The following NECTIN3 variants were observed in gnomAD, a reference collection of about 807,000 sequenced individuals.
NECTIN3 encodes the protein nectin-3.
Under a neutral mutation model 49.4 loss-of-function variants are expected in NECTIN3, and 8 were observed. The observed-to-expected ratio is 0.16, with a 90% CI of 0.10 to 0.29. The LOEUF (loss-of-function observed/expected upper bound fraction) is 0.29, where lower values mean the gene tolerates loss of function less well. Among genes scored for constraint, NECTIN3 ranks in the 10% least tolerant of loss-of-function variants. The pLI, the probability that NECTIN3 is intolerant of heterozygous loss-of-function variation, is 1.00. For synonymous variants in NECTIN3, 277 were observed against 241.1 expected (o/e 1.15, Z -1.38); for missense variants, 581 against 654.6 (o/e 0.89, Z 1.23).
chr3:111,182,890 C>T (rs1018230436), intron 7 of NECTIN3, among the ~76,000 whole-genome samples: 1 of 151,892 alleles, frequency 6.6e-6, no homozygotes, highest in African/African-American at 2.4e-5. Flanking sequence ...TATTTGTCTT[C>T]TGTTTGTCCC....
At chr3:111,108,004 A>G (rs1411095655) in intron 1 of NECTIN3, among the ~76,000 whole-genome samples, 1 of 152,166 alleles carries the variant, frequency 6.6e-6, no homozygotes, top group East Asian at 1.9e-4. Flanking sequence ...GAGTAGTACA[A>G]CGCTTTGGTG....
Position 111,135,747 on chromosome 3 carries a change from A to T in NECTIN3, c.*1532A>T. On this transcript the variant is annotated 3_prime_UTR_variant, in exon 6 of 6. Coordinates refer to ENST00000485303, the MANE Select transcript of NECTIN3 (RefSeq NM_015480.3). ...ATCAAATCTAAAACATTTAGGGGGC[A>T]AAATTCTAACATGTTCATGGTATCT... is the stretch of plus-strand genomic sequence containing the variant. The T allele has an allele frequency of 1.0e-6, 1 of 962,790 alleles. No homozygotes were observed. 59.6% of individuals were successfully genotyped at this position (962,790 alleles called of 1,614,324 possible).
In NECTIN3 at chr3:111,089,440, A is replaced by T. The variant is rs544687812; in HGVS notation, c.160+17263A>T. 2.6e-4 allele frequency among the ~76,000 whole-genome samples: 39 copies of T among 149,400 alleles called. No homozygotes were observed. In the East Asian group the frequency reaches 4.6e-3, roughly 18 times the overall value. ...GTGTGTGTGTGTGTGTATGTATATA[A>T]ACATATACATACACACACATATATG... On this transcript the variant is annotated intron_variant, in intron 1 of 5. Coordinates refer to ENST00000485303, the MANE Select transcript of NECTIN3 (RefSeq NM_015480.3).
At chr3:111,107,451 A>G (rs530104974) in intron 1 of NECTIN3, among the ~76,000 whole-genome samples, 8 of 152,278 alleles carry the variant, frequency 5.3e-5, no homozygotes, top group African/African-American at 1.9e-4. Flanking sequence ...ATCCTGTTTT[A>G]TTATGGTTTT....
intron 2 of NECTIN3, 64 bp from the exon 3 acceptor site, chr3:111,118,592 C>G: frequency 7.3e-7 from 1 of 1,374,390 alleles, no homozygotes; most frequent in South Asian, 1.5e-5. Flanking sequence ...TTAGATGTGA[C>G]TTGGAAAGAT....
At chr3:111,159,287 C>G (rs956013466) in intron 7 of NECTIN3, among the ~76,000 whole-genome samples, 1 of 152,046 alleles carries the variant, frequency 6.6e-6, no homozygotes, top group Non-Finnish European at 1.5e-5. Context: ...AGGGAATATT[C>G]CTTTACTTCC....
At chr3:111,142,798 GA>G (rs569551743) in intron 5 of NECTIN3, among the ~76,000 whole-genome samples, 9 of 150,708 alleles carry the variant, frequency 6.0e-5, no homozygotes, top group Non-Finnish European at 1.3e-4. Flanking sequence ...AAGTATTTTT[GA>G]AAAAAAACCT....
chr3:111,083,104 A>G (rs1234485973), intron 1 of NECTIN3, among the ~76,000 whole-genome samples: 2 of 151,764 alleles, frequency 1.3e-5, no homozygotes, highest in African/African-American at 2.4e-5. Flanking sequence ...CTTGCCCACC[A>G]CTCACTTTCT....
intron 7 of NECTIN3, among the ~76,000 whole-genome samples, chr3:111,152,574 C>T (rs2035022398): frequency 1.3e-5 from 2 of 151,860 alleles, no homozygotes; most frequent in African/African-American, 4.8e-5. Context: ...TGTGATGAAC[C>T]TCTAAACGTT....
chr3:111,118,577 TATGTTTAG>T, intron 2 of NECTIN3, 71 bp from the exon 3 acceptor site: 1 of 1,279,148 alleles, frequency 7.8e-7, no homozygotes, highest in Non-Finnish European at 1.1e-6. Context: ...GCTTGTGAAA[TATGTTTAG>T]ATGTGACTTG....
At position 111,112,390 on chromosome 3, in the gene NECTIN3, T is replaced by C. The variant is rs772688510; in HGVS notation, c.502+19T>C. 7 of 1,397,036 alleles carry C rather than the reference T, an allele frequency of 5.0e-6. No homozygotes were observed. The highest frequency in any genetic ancestry group is 4.7e-5 in the East Asian group (2 of 42,146). 86.5% of individuals were successfully genotyped at this position (1,397,036 alleles called of 1,614,324 possible). A position where few individuals can be genotyped will look rare whatever the true frequency, so the allele number is the denominator to read the frequency against. On this transcript the variant is annotated intron_variant, in intron 2 of 5. Transcript: ENST00000485303. ...GTGTTAGGTAGGTATGCTTGAATTA[T>C]GTATTTTGGTGATAGTGGTGAAGAT...
intron 7 of NECTIN3, among the ~76,000 whole-genome samples, chr3:111,177,545 G>A (rs2035553916): frequency 1.3e-5 from 2 of 152,138 alleles, no homozygotes; most frequent in South Asian, 4.1e-4. Flanking sequence ...ATGATGATAG[G>A]TGATTTTCTC....
intron 1 of NECTIN3, among the ~76,000 whole-genome samples, chr3:111,096,266 AAGCTGAGAG>A (rs1286870511): frequency 6.6e-6 from 1 of 152,178 alleles, no homozygotes; most frequent in Non-Finnish European, 1.5e-5. Context: ...TAGAACTTTG[AAGCTGAGAG>A]AGTTGATTTA....
downstream of NECTIN3, among the ~76,000 whole-genome samples, chr3:111,137,908 C>T (rs1278966223): frequency 6.6e-6 from 1 of 150,854 alleles, no homozygotes; most frequent in East Asian, 1.9e-4. Context: ...TTAAGCCCAG[C>T]ATGCATTAAC....
upstream of NECTIN3, among the ~76,000 whole-genome samples, chr3:111,190,208 T>A (rs1576190341): frequency 4.6e-5 from 7 of 152,338 alleles, no homozygotes; most frequent in East Asian, 1.3e-3. Flanking sequence ...CTTGGACTTT[T>A]ACCAGTGTGT....
At chr3:111,162,554 T>C (rs1309639569) in intron 7 of NECTIN3, among the ~76,000 whole-genome samples, 2 of 152,210 alleles carry the variant, frequency 1.3e-5, no homozygotes, top group Admixed American at 6.5e-5. Context: ...CCTTTATAAA[T>C]TACGCAGTCT....
intron 7 of NECTIN3, among the ~76,000 whole-genome samples, chr3:111,181,517 A>C (rs1402967953): frequency 6.6e-6 from 1 of 152,162 alleles, no homozygotes; most frequent in Non-Finnish European, 1.5e-5. Context: ...CATTTGCTGA[A>C]ATAATTTTTA....
At chr3:111,096,754 T>C (rs1000081016) in intron 1 of NECTIN3, among the ~76,000 whole-genome samples, 1 of 152,142 alleles carries the variant, frequency 6.6e-6, no homozygotes, top group Non-Finnish European at 1.5e-5. Flanking sequence ...CTTCCACGTG[T>C]TGTTGAGCCT....
chr3:111,085,603 A>G (rs894153069), intron 1 of NECTIN3, among the ~76,000 whole-genome samples: 1 of 152,032 alleles, frequency 6.6e-6, no homozygotes, highest in Non-Finnish European at 1.5e-5. Context: ...CACCATTCTG[A>G]CTTCTAGCAC....
Sources: gnomAD v4.1 joint callset for allele counts (sites outside exome capture counted in the v4.1 genomes callset) on GRCh38, gnomAD v4.1.1 for gene constraint, MANE v1.5 for transcripts, NCBI Gene and HGNC (gene_info 2026-07-23, HGNC 2026-07-21) for gene names.